Variants in DNMBP observed in about 807,000 individuals in gnomAD.
DNMBP encodes the protein dynamin binding protein.
A neutral mutation model predicts 150.0 loss-of-function variants in DNMBP; 87 were observed. The observed-to-expected ratio is 0.58, with a 90% CI of 0.49 to 0.69. DNMBP has a LOEUF of 0.69. Among genes scored for constraint, DNMBP ranks in the 30% least tolerant of loss-of-function variants. The pLI is 0.00. For synonymous variants in DNMBP, 711 were observed against 750.4 expected (o/e 0.95, Z 0.86); for missense variants, 1,774 against 1,949.0 (o/e 0.91, Z 1.69).
chr10:99,923,022 G>T (rs2040040789), intron 4 of DNMBP, among the ~76,000 whole-genome samples: 1 of 152,168 alleles, frequency 6.6e-6, no homozygotes, highest in Non-Finnish European at 1.5e-5. Flanking sequence ...GGGAGGCCGA[G>T]TCAGGCAGAT....
At position 99,956,744 on chromosome 10, in the gene DNMBP, GC is replaced by G. The variant is rs750791941; in HGVS notation, c.729del (p.Glu243AspfsTer43). On this transcript the variant is annotated frameshift_variant, in exon 4 of 17. Coordinates refer to ENST00000324109, the MANE Select transcript of DNMBP (RefSeq NM_015221.4). LOFTEE classifies it high-confidence loss of function. Reference sequence around the variant, plus strand: ...TACAGGGCGACCCCATAGGTCCCTGGCTCCTCCTCATCCTCATCCGGCCCTA... The same window carrying G: ...TACAGGGCGACCCCATAGGTCCCTGGTCCTCCTCATCCTCATCCGGCCCTA... Reference protein sequence around the residue: ...EEIGPDEDEEEPGTYGVALYR... With the variant: ...EEIGPDEDEEXPGTYGVALYR... 1 of 1,614,056 alleles carries G rather than the reference GC, an allele frequency of 6.2e-7. No individual in the cohort carries two copies.
intron 4 of DNMBP, among the ~76,000 whole-genome samples, chr10:99,950,231 C>T (rs2040403342): frequency 6.6e-6 from 1 of 152,186 alleles, no homozygotes; most frequent in Non-Finnish European, 1.5e-5. Context: ...CTTGCTCCTC[C>T]TTGCCTTCCA....
At chr10:99,952,673 T>C (rs918887971) in intron 4 of DNMBP, among the ~76,000 whole-genome samples, 3 of 152,244 alleles carry the variant, frequency 2.0e-5, no homozygotes, top group East Asian at 1.9e-4. Flanking sequence ...ACATGCATAA[T>C]AGTCCTTTCC....
chr10:99,915,108 A>AAATATATATATAT (rs10654940), intron 4 of DNMBP, among the ~76,000 whole-genome samples: 76 of 99,756 alleles, frequency 7.6e-4, no homozygotes, highest in African/African-American at 2.7e-3. Context: ...AAAAAAAAAA[A>AAATATATATATAT]ATATATATAT....
At chr10:99,999,830 T>C (rs2040990939) in intron 1 of DNMBP, among the ~76,000 whole-genome samples, 1 of 152,192 alleles carries the variant, frequency 6.6e-6, no homozygotes, top group Non-Finnish European at 1.5e-5. Context: ...TAAGTGGATT[T>C]GGGCCAGACT....
At chr10:99,996,016 A>C (rs1440102689) in intron 1 of DNMBP, among the ~76,000 whole-genome samples, 1 of 152,262 alleles carries the variant, frequency 6.6e-6, no homozygotes, top group Non-Finnish European at 1.5e-5. Flanking sequence ...CTACCTGTGA[A>C]CAGTTGTGAA....
At chr10:99,934,258 T>C (rs566518115) in intron 4 of DNMBP, among the ~76,000 whole-genome samples, 4 of 152,180 alleles carry the variant, frequency 2.6e-5, no homozygotes, top group East Asian at 3.9e-4. Flanking sequence ...CAATAATTTC[T>C]TTTCTAGGCT....
rs773983308 is a variant in DNMBP, at chr10:99,895,021, TTC to T, written c.3079_3080del (p.Glu1027LysfsTer11). On this transcript the variant is annotated frameshift_variant, in exon 11 of 17. Coordinates refer to ENST00000324109, the MANE Select transcript of DNMBP (RefSeq NM_015221.4). LOFTEE classifies it high-confidence loss of function. ...ATCTTTCTTGCATTCGGAAGTTTTT[TTC>T]TGTTTCTTCAAATACTTCATCTTTT... ...QIKDEVFEET[E>X]KNFRMQERLI... The T allele has an allele frequency of 6.2e-7, 1 of 1,612,762 alleles. No individual in the cohort carries two copies. Among genetic ancestry groups the T allele is most frequent in the South Asian group, 1.1e-5 (1 of 90,922 alleles).
Position 99,920,121 on chromosome 10 carries a change from G to A in DNMBP, c.2261-10975C>T, listed in dbSNP as rs555799851. On this transcript the variant is annotated intron_variant, in intron 4 of 16. Transcript: ENST00000324109. ...ACAGAGTTTTGCTCTTATTGCCCAG[G>A]CTGGAGTGCAATGATGTGATCTCGC... Among the ~76,000 whole-genome samples, 4 of 151,712 alleles carry A rather than the reference G, an allele frequency of 2.6e-5. No individual in the cohort carries two copies. In the East Asian group the frequency reaches 5.8e-4, roughly 22 times the overall value.
At chr10:99,957,329 A>G in intron 3 of DNMBP, 124 bp from the exon 4 acceptor site, 1 of 832,088 alleles carries the variant, frequency 1.2e-6, no homozygotes, top group Non-Finnish European at 1.8e-6. Context: ...CTAGAGCTTT[A>G]GGAGCATGAA....
At chr10:100,004,492 C>A (rs982814662) in intron 1 of DNMBP, among the ~76,000 whole-genome samples, 4 of 151,948 alleles carry the variant, frequency 2.6e-5, no homozygotes, top group Non-Finnish European at 5.9e-5. Flanking sequence ...TGCTTAGGGC[C>A]AGACAAGTGT....
At chr10:99,966,788 GT>G (rs944241729) in intron 3 of DNMBP, among the ~76,000 whole-genome samples, 58 of 147,688 alleles carry the variant, frequency 3.9e-4, no homozygotes, top group African/African-American at 1.1e-3. Context: ...AATACGTTTT[GT>G]TTTTTTTTTG....
In DNMBP at chr10:99,955,795, T is replaced by C. The variant is rs1330526186; in HGVS notation, c.1679A>G (p.Glu560Gly). Residue 560 changes from glutamate to glycine, a missense_variant, in exon 4 of 17, where the codon GAG becomes GGG. By Grantham distance (98) the Glu-to-Gly change is moderately conservative (BLOSUM62 -2). Transcript: ENST00000324109. ...TGTGCCGGGCCCTGCCAAGCTCTTC[T>C]CAAACTCGATCAGCTGTTGTGTCAG... ...SKLTQQLIEFEKSLAGPGTEP... is the reference protein window; with the variant it reads ...SKLTQQLIEFGKSLAGPGTEP... The C allele has an allele frequency of 1.2e-6, 2 of 1,614,238 alleles. No individual in the cohort carries two copies. Among genetic ancestry groups the C allele is most frequent in the Non-Finnish European group, 1.7e-6 (2 of 1,180,034 alleles).
rs767883532 is a variant in DNMBP at position 99,955,740 on chromosome 10, T to C, written c.1734A>G (p.Ser578=). Residue 578 remains serine, a synonymous_variant, in exon 4 of 17, where the codon TCA becomes TCG. Transcript: ENST00000324109. ...TEPDKILRHF[S]IMDFNSEKDI... is the part of the protein sequence containing the mutation. ...CCTTCTCAGAGTTAAAGTCCATGAT[T>C]GAAAAGTGGCGTAAAATTTTATCTG... 2 of 1,614,108 alleles carry C rather than the reference T, an allele frequency of 1.2e-6. No homozygotes were observed. The highest frequency in any genetic ancestry group is 2.2e-5 in the South Asian group (2 of 91,094).
chr10:99,978,840 G>C (rs2040755292), intron 1 of DNMBP, among the ~76,000 whole-genome samples: 1 of 152,114 alleles, frequency 6.6e-6, no homozygotes, highest in South Asian at 2.1e-4. Context: ...CTCCCAAATT[G>C]CTGGGATTAC....
chr10:99,909,186 A>G, intron 4 of DNMBP, 40 bp from the exon 5 acceptor site: 1 of 1,540,790 alleles, frequency 6.5e-7, no homozygotes, highest in Non-Finnish European at 8.9e-7. Flanking sequence ...CTCTGGGTGT[A>G]AAAGCAGCAC....
intron 4 of DNMBP, among the ~76,000 whole-genome samples, chr10:99,926,858 A>G (rs1050635125): frequency 2.6e-5 from 4 of 152,136 alleles, no homozygotes; most frequent in African/African-American, 9.7e-5. Context: ...CACAGTTTGA[A>G]ATTTGAGTCC....
chr10:99,904,253 G>GA lies in DNMBP; in HGVS notation c.2554+3741dup, dbSNP rs374682243. Among the ~76,000 whole-genome samples, 670 of 148,412 alleles carry GA rather than the reference G, an allele frequency of 4.5e-3. 3 individuals are homozygous for GA. Among genetic ancestry groups the GA allele is most frequent in the Non-Finnish European group, 7.3e-3 (490 of 66,998 alleles). ...TTGGGAAATAGCGTGAGACTGTCTC[G>GA]AAAAAAAAAGGAAAACACTGGACAT... On this transcript the variant is annotated intron_variant, in intron 6 of 16. Coordinates refer to ENST00000324109, the MANE Select transcript of DNMBP (RefSeq NM_015221.4).
In DNMBP at chr10:99,886,472, T is replaced by A; in HGVS notation, c.3446A>T (p.Glu1149Val). 1 of 1,614,158 alleles carries A rather than the reference T, an allele frequency of 6.2e-7. No individual in the cohort carries two copies. The highest frequency in any genetic ancestry group is 8.5e-7 in the Non-Finnish European group (1 of 1,180,028). Reference protein sequence around the residue: ...EKLKDKKTLEELQSARNNYEA... With the variant: ...EKLKDKKTLEVLQSARNNYEA... Reference sequence around the variant, plus strand: ...ATAGTTGTTCCGGGCCGACTGCAGCTCCTCCAGGGTCTTCTTGTCCTTTAG... The same window carrying A: ...ATAGTTGTTCCGGGCCGACTGCAGCACCTCCAGGGTCTTCTTGTCCTTTAG... The change falls in exon 13 of 17, where the codon GAG becomes GTG. Residue 1149 changes from glutamate (E) to valine (V), a missense_variant. By Grantham distance (121) the Glu-to-Val change is moderately radical (BLOSUM62 -2). Around this residue, in one of 2 missense-constraint regions of DNMBP, gnomAD observed 1,430 missense variants for 1,492.5 expected, o/e 0.96. Coordinates refer to ENST00000324109, the MANE Select transcript of DNMBP (RefSeq NM_015221.4).
Sources: gnomAD v4.1 joint callset for allele counts (sites outside exome capture counted in the v4.1 genomes callset) on GRCh38, gnomAD v4.1.1 for gene constraint, gnomAD v4.1.1 regional missense constraint, MANE v1.5 for transcripts, NCBI Gene and HGNC (gene_info 2026-07-23, HGNC 2026-07-21) for gene names.